The following MAP2 variants were observed in gnomAD, a reference collection of about 807,000 sequenced individuals.
MAP2 encodes microtubule-associated protein 2.
MAP2 carries 14 observed loss-of-function variants against 137.6 expected under a neutral mutation model. The observed-to-expected ratio is 0.10, with a 90% CI of 0.07 to 0.16. The LOEUF is 0.16. Ranked by LOEUF, MAP2 falls within the 10% of genes least tolerant of loss-of-function variation. The probability of loss-of-function intolerance (pLI) is 1.00; values close to 1 mark genes in which losing one functional copy is unlikely to be tolerated. For missense variants in MAP2, 2,088 were observed against 2,191.5 expected (o/e 0.95, Z 0.94); for synonymous variants, 786 against 782.3 (o/e 1.00, Z -0.08).
At chr2:209,630,675 A>G (rs1044454464) in intron 4 of MAP2, among the ~76,000 whole-genome samples, 11 of 152,050 alleles carry the variant, frequency 7.2e-5, no homozygotes, top group Non-Finnish European at 1.6e-4. Context: ...AAAGAGCCAA[A>G]GAGTAGGATG....
At chr2:209,567,085 G>C (rs887706608) in intron 2 of MAP2, among the ~76,000 whole-genome samples, 1 of 151,832 alleles carries the variant, frequency 6.6e-6, no homozygotes, top group African/African-American at 2.4e-5. Flanking sequence ...AGCTTCACTG[G>C]TTTAAAAATA....
chr2:209,520,077 A>C (rs2063059096), intron 2 of MAP2, among the ~76,000 whole-genome samples: 1 of 152,070 alleles, frequency 6.6e-6, no homozygotes, highest in Non-Finnish European at 1.5e-5. Context: ...GCTCATTCAA[A>C]TGTTAATGTG....
At chr2:209,453,992 A>T (rs1348302788) in intron 1 of MAP2, among the ~76,000 whole-genome samples, 1 of 151,986 alleles carries the variant, frequency 6.6e-6, no homozygotes, top group Non-Finnish European at 1.5e-5. Context: ...TCTACTAAAA[A>T]TACAAAAAAT....
chr2:209,516,265 G>T (rs186256299), intron 2 of MAP2, among the ~76,000 whole-genome samples: 1 of 144,350 alleles, frequency 6.9e-6, no homozygotes, highest in African/African-American at 2.8e-5. Flanking sequence ...ATAAGATATT[G>T]ATCTTCAGAA....
chr2:209,438,539 A>T lies in MAP2; in HGVS notation c.-222+14263A>T, dbSNP rs147237798. Among the ~76,000 whole-genome samples the T allele has an allele frequency of 3.4e-4, 52 of 151,740 alleles. No individual in the cohort carries two copies. The East Asian group carries it at 9.5e-3, about 28-fold the overall frequency. On this transcript the variant is annotated intron_variant, in intron 1 of 15. Coordinates refer to ENST00000682079, the MANE Select transcript of MAP2 (RefSeq NM_001375505.1). ...GAATATAATTAGGAAAAGTCATTGA[A>T]CAATTGCAGTTGCCTTTCTCAAAAT...
intron 3 of MAP2, among the ~76,000 whole-genome samples, chr2:209,616,369 T>C (rs1039627036): frequency 6.6e-6 from 1 of 152,208 alleles, no homozygotes; most frequent in Non-Finnish European, 1.5e-5. Context: ...CAAGTTCAGC[T>C]TCTATATCTA....
At chr2:209,610,628 C>T (rs2153485042) in intron 3 of MAP2, among the ~76,000 whole-genome samples, 1 of 152,136 alleles carries the variant, frequency 6.6e-6, no homozygotes, top group East Asian at 1.9e-4. Context: ...GATAAACAGC[C>T]TCCTTATTAG....
intron 1 of MAP2, among the ~76,000 whole-genome samples, chr2:209,425,246 T>C (rs181800834): frequency 6.5e-4 from 99 of 152,354 alleles, no homozygotes; most frequent in Admixed American, 6.2e-3. Context: ...TTTGTGACAA[T>C]TGCTGTGTGC....
At chr2:209,512,244 A>G (rs1276466472) in intron 2 of MAP2, among the ~76,000 whole-genome samples, 1 of 152,084 alleles carries the variant, frequency 6.6e-6, no homozygotes. Flanking sequence ...CATATTGTAT[A>G]CTTGTATCAA....
At chr2:209,696,816 G>A in intron 9 of MAP2, 68 bp downstream of exon 9, 2 of 1,496,620 alleles carry the variant, frequency 1.3e-6, no homozygotes, top group South Asian at 2.5e-5. Context: ...TTGCAGAACT[G>A]CCTAACAGTG....
chr2:209,648,490 A>G (rs1004748183), intron 4 of MAP2, among the ~76,000 whole-genome samples: 8 of 152,050 alleles, frequency 5.3e-5, no homozygotes, highest in Non-Finnish European at 1.2e-4. Context: ...TAAGATTCCC[A>G]TTGCAATATA....
intron 13 of MAP2, among the ~76,000 whole-genome samples, chr2:209,717,839 G>C (rs1400865608): frequency 6.6e-6 from 1 of 152,006 alleles, no homozygotes; most frequent in Non-Finnish European, 1.5e-5. Context: ...TTTTTGTTTT[G>C]TTTCTTGTCC....
intron 1 of MAP2, among the ~76,000 whole-genome samples, chr2:209,451,631 T>G (rs1448696213): frequency 6.6e-6 from 1 of 152,190 alleles, no homozygotes; most frequent in Non-Finnish European, 1.5e-5. Flanking sequence ...AGAGATCCCT[T>G]CATCAAAAGC....
chr2:209,675,407 T>G (rs1225620094), intron 5 of MAP2, among the ~76,000 whole-genome samples: 1 of 151,904 alleles, frequency 6.6e-6, no homozygotes, highest in African/African-American at 2.4e-5. Context: ...TAAATGATAC[T>G]GCTTTGCTGA....
At chr2:209,479,111 T>G (rs1708111343) in intron 1 of MAP2, among the ~76,000 whole-genome samples, 1 of 152,186 alleles carries the variant, frequency 6.6e-6, no homozygotes, top group Non-Finnish European at 1.5e-5. Context: ...CAAGTGATTT[T>G]TTTTCTTCCA....
At chr2:209,476,950 T>G (rs1707400177) in intron 1 of MAP2, among the ~76,000 whole-genome samples, 1 of 152,214 alleles carries the variant, frequency 6.6e-6, no homozygotes, top group African/African-American at 2.4e-5. Flanking sequence ...ATTCAAAACC[T>G]TCATCACAAA....
At chr2:209,660,912 T>A (rs1442965274) in intron 5 of MAP2, among the ~76,000 whole-genome samples, 1 of 140,382 alleles carries the variant, frequency 7.1e-6, no homozygotes, top group South Asian at 2.2e-4. Flanking sequence ...TTTTTTGTAT[T>A]TTTTTTTTTT....
At chr2:209,550,068 C>A (rs1239026653) in intron 2 of MAP2, among the ~76,000 whole-genome samples, 1 of 152,168 alleles carries the variant, frequency 6.6e-6, no homozygotes, top group Non-Finnish European at 1.5e-5. Flanking sequence ...AGAAAGGAAG[C>A]AAACATTTTG....
At chr2:209,424,693 C>T (rs1692051333) in intron 1 of MAP2, among the ~76,000 whole-genome samples, 1 of 152,214 alleles carries the variant, frequency 6.6e-6, no homozygotes, top group Admixed American at 6.5e-5. Context: ...GTTCATCCAG[C>T]TGCAGAGAAC....
Sources: gnomAD v4.1 joint callset for allele counts (sites outside exome capture counted in the v4.1 genomes callset) on GRCh38, gnomAD v4.1.1 for gene constraint, MANE v1.5 for transcripts, NCBI Gene and HGNC (gene_info 2026-07-23, HGNC 2026-07-21) for gene names.